ARB2A: variants seen among roughly 807,000 people sequenced by gnomAD.
The protein encoded by ARB2A is ARB2 cotranscriptional regulator A.
At chr5:94,086,459 C>T in the ARB2A span, among the ~76,000 whole-genome samples, 1 of 152,212 alleles carries the variant, frequency 6.6e-6, no homozygotes, top group Non-Finnish European at 1.5e-5. Flanking sequence ...AACAAACATA[C>T]TGCACTGCCA....
chr5:93,683,402 G>C, the ARB2A span: 1 of 1,602,654 alleles, frequency 6.2e-7, no homozygotes, highest in Non-Finnish European at 8.5e-7. Flanking sequence ...CACTGGCCCT[G>C]AACCACACTT....
At chr5:93,703,274 A>C in the ARB2A span, among the ~76,000 whole-genome samples, 3 of 152,198 alleles carry the variant, frequency 2.0e-5, no homozygotes, top group East Asian at 5.8e-4. Context: ...TTCTCTGGCG[A>C]GTGTCGGCGA....
At chr5:93,654,171 C>T in the ARB2A span, among the ~76,000 whole-genome samples, 1 of 152,116 alleles carries the variant, frequency 6.6e-6, no homozygotes. Context: ...GTCTGACTCA[C>T]TTTTTATGGT....
the ARB2A span, among the ~76,000 whole-genome samples, chr5:93,843,547 C>G: frequency 5.3e-5 from 8 of 151,630 alleles, no homozygotes; most frequent in Non-Finnish European, 1.2e-4. Context: ...CCTTAGCCTC[C>G]TGAGTAGCTG....
At chr5:94,019,559 A>G in the ARB2A span, among the ~76,000 whole-genome samples, 6 of 152,248 alleles carry the variant, frequency 3.9e-5, no homozygotes, top group Non-Finnish European at 7.3e-5. Context: ...ACTGGTCACT[A>G]GAGAAATGCA....
At chr5:93,699,124 CAG>C in the ARB2A span, among the ~76,000 whole-genome samples, 1 of 152,118 alleles carries the variant, frequency 6.6e-6, no homozygotes, top group Admixed American at 6.6e-5. Flanking sequence ...AATGGAAGTA[CAG>C]AGAGAGTGGC....
At chr5:94,006,352 A>C in the ARB2A span, among the ~76,000 whole-genome samples, 1 of 152,172 alleles carries the variant, frequency 6.6e-6, no homozygotes, top group African/African-American at 2.4e-5. Context: ...GAGAAAAGAT[A>C]ATGGTTGCCA....
chr5:93,706,181 G>T, the ARB2A span, among the ~76,000 whole-genome samples: 2 of 152,182 alleles, frequency 1.3e-5, no homozygotes, highest in African/African-American at 2.4e-5. Flanking sequence ...ACTAAATGTG[G>T]TGTATCTATA....
At chr5:93,709,648 A>C in the ARB2A span, among the ~76,000 whole-genome samples, 2 of 150,010 alleles carry the variant, frequency 1.3e-5, no homozygotes, top group African/African-American at 4.9e-5. Flanking sequence ...AAAAAAAAAA[A>C]AAAAAAAAAC....
At chr5:93,998,371 C>A in the ARB2A span, among the ~76,000 whole-genome samples, 1 of 151,736 alleles carries the variant, frequency 6.6e-6, no homozygotes, top group Admixed American at 6.6e-5. Flanking sequence ...TTCCAAAATC[C>A]TAATCAATTT....
chr5:93,659,684 C>T, the ARB2A span, among the ~76,000 whole-genome samples: 6 of 152,142 alleles, frequency 3.9e-5, no homozygotes, highest in Non-Finnish European at 7.4e-5. Context: ...CTCACTGATG[C>T]CAATAAACAT....
chr5:93,820,094 C>A, the ARB2A span, among the ~76,000 whole-genome samples: 8 of 152,182 alleles, frequency 5.3e-5, no homozygotes, highest in South Asian at 2.1e-4. Context: ...AAGAAAAACA[C>A]AAAATTTGTA....
the ARB2A span, among the ~76,000 whole-genome samples, chr5:93,826,267 A>C: frequency 4.3e-4 from 66 of 152,332 alleles, no homozygotes; most frequent in Admixed American, 3.7e-3. Flanking sequence ...TGAACACTAA[A>C]AGACTCATTT....
chr5:93,975,904 G>A, the ARB2A span, among the ~76,000 whole-genome samples: 1 of 151,782 alleles, frequency 6.6e-6, no homozygotes, highest in African/African-American at 2.4e-5. Context: ...AAGTCAAGGA[G>A]GAGGGACTCC....
chr5:94,003,165 CT>C, the ARB2A span, among the ~76,000 whole-genome samples: 10 of 152,130 alleles, frequency 6.6e-5, no homozygotes, highest in Non-Finnish European at 1.5e-4. Context: ...TAAATACTTC[CT>C]TTTTGAAACC....
chr5:93,686,454 A>C, the ARB2A span, among the ~76,000 whole-genome samples: 2 of 152,160 alleles, frequency 1.3e-5, no homozygotes, highest in African/African-American at 2.4e-5. Context: ...AAATTTAGAC[A>C]TTCCCCCAAT....
At chr5:93,867,046 C>G in the ARB2A span, among the ~76,000 whole-genome samples, 1 of 151,996 alleles carries the variant, frequency 6.6e-6, no homozygotes, top group East Asian at 1.9e-4. Flanking sequence ...AACATGAGTT[C>G]CTCTTCTCAA....
At chr5:93,723,404 C>T in the ARB2A span, among the ~76,000 whole-genome samples, 1 of 152,102 alleles carries the variant, frequency 6.6e-6, no homozygotes, top group Non-Finnish European at 1.5e-5. Context: ...TCTCTAATAG[C>T]TTCAAATAAC....
At chr5:93,855,796 A>T in the ARB2A span, among the ~76,000 whole-genome samples, 1 of 152,138 alleles carries the variant, frequency 6.6e-6, no homozygotes, top group African/African-American at 2.4e-5. Flanking sequence ...AAGGACATGC[A>T]CACCAAGAAC....
Sources: allele counts gnomAD v4.1 joint callset (sites outside exome capture counted in the v4.1 genomes callset), GRCh38; gene constraint gnomAD v4.1.1; transcripts MANE v1.5; gene names NCBI Gene and HGNC (gene_info 2026-07-23, HGNC 2026-07-21).